The following SOX6 variants were observed in gnomAD, a reference collection of about 807,000 sequenced individuals.
The protein encoded by SOX6 is transcription factor SOX-6.
A neutral mutation model predicts 97.8 loss-of-function variants in SOX6; 11 were observed. The observed-to-expected ratio is 0.11, with a 90% confidence interval of 0.07 to 0.19. The LOEUF is 0.19. SOX6 is among the 10% of genes least tolerant of loss of function. SOX6 has a pLI of 1.00. For synonymous variants in SOX6, 360 were observed against 371.4 expected (o/e 0.97, Z 0.35); for missense variants, 810 against 1,039.5 (o/e 0.78, Z 3.04).
intron 3 of SOX6, among the ~76,000 whole-genome samples, chr11:16,692,540 T>C (rs1848023794): frequency 6.6e-6 from 1 of 152,174 alleles, no homozygotes; most frequent in Non-Finnish European, 1.5e-5. Flanking sequence ...CAAACTTACA[T>C]AAACACAAAA....
rs1330514309 is a variant in SOX6, at chr11:16,671,173, A to G, written n.429+43657T>C. On this transcript the variant is annotated intron_variant and non_coding_transcript_variant, in intron 3 of 5. Coordinates refer to the SOX6 transcript ENST00000524520. ...TACTCAATCTGCACTGCAGTTAAAG[A>G]AATAGCCACATGCAGAGATGAGGAA... 3.3e-5 allele frequency among the ~76,000 whole-genome samples: 5 copies of G among 152,374 alleles called. No homozygotes were observed. The East Asian group carries it at 7.7e-4, about 23-fold the overall frequency.
intron 9 of SOX6, among the ~76,000 whole-genome samples, chr11:16,058,899 C>G (rs1847880817): frequency 6.6e-6 from 1 of 152,058 alleles, no homozygotes; most frequent in African/African-American, 2.4e-5. Flanking sequence ...TACCAGGTTG[C>G]ATGACATTAG....
intron 2 of SOX6, among the ~76,000 whole-genome samples, chr11:16,338,210 C>CT (rs1349154614): frequency 6.6e-6 from 1 of 151,944 alleles, no homozygotes; most frequent in Non-Finnish European, 1.5e-5. Flanking sequence ...TTTTGCGACT[C>CT]TAAGTACAGA....
Position 16,213,361 on chromosome 11 carries a change from C to T in SOX6, c.535+21221G>A, listed in dbSNP as rs1317057341. The stretch of plus-strand genomic sequence containing the variant: ...TATTTTCCTTAGCATGTCTAAATCT[C>T]TCTGTCTGCCGCACCCTGTCTTTCC... On this transcript the variant is annotated intron_variant, in intron 4 of 15. Transcript: ENST00000683767. 2.0e-5 allele frequency among the ~76,000 whole-genome samples: 3 copies of T among 152,042 alleles called. No individual in the cohort carries two copies. In the East Asian group the frequency reaches 5.8e-4, roughly 29 times the overall value.
At chr11:16,512,479 T>C (rs1000371780) in intron 4 of SOX6, among the ~76,000 whole-genome samples, 7 of 152,224 alleles carry the variant, frequency 4.6e-5, no homozygotes, top group African/African-American at 1.7e-4. Context: ...CTGTTTGCAG[T>C]GTCTGAAAAG....
chr11:16,733,119 A>C (rs569748930), intron 2 of SOX6, among the ~76,000 whole-genome samples: 1 of 152,342 alleles, frequency 6.6e-6, no homozygotes, highest in Non-Finnish European at 1.5e-5. Flanking sequence ...ACGCTTTTAC[A>C]CTGTTGGTGA....
At chr11:16,260,438 A>G (rs1396610316) in intron 3 of SOX6, among the ~76,000 whole-genome samples, 1 of 152,192 alleles carries the variant, frequency 6.6e-6, no homozygotes, top group East Asian at 1.9e-4. Flanking sequence ...TAAAATGTTT[A>G]ACCTAGCTGG....
chr11:16,214,163 T>C (rs34321331), intron 4 of SOX6, among the ~76,000 whole-genome samples: 30,191 of 152,120 alleles, frequency 0.2, 3,508 homozygotes, highest in South Asian at 0.36. Context: ...TTGAATTGAT[T>C]AAGTAGCCAC....
intron 1 of SOX6, among the ~76,000 whole-genome samples, chr11:16,374,129 T>C (rs1857580974): frequency 6.6e-6 from 1 of 152,082 alleles, no homozygotes; most frequent in African/African-American, 2.4e-5. Flanking sequence ...CAAATCTTTC[T>C]TTCTCTGAAC....
At chr11:16,646,937 C>CTT (rs1399909091) in intron 3 of SOX6, among the ~76,000 whole-genome samples, 1 of 152,202 alleles carries the variant, frequency 6.6e-6, no homozygotes, top group African/African-American at 2.4e-5. Flanking sequence ...GTAGTTCTAC[C>CTT]TTTACTTCTT....
intron 4 of SOX6, among the ~76,000 whole-genome samples, chr11:16,225,470 T>A (rs1852657567): frequency 1.1e-5 from 1 of 93,346 alleles, no homozygotes; most frequent in Non-Finnish European, 2.2e-5. Flanking sequence ...TAACTATGAA[T>A]TGCTATTCAA....
chr11:16,173,579 GTT>G (rs562492298), intron 6 of SOX6, among the ~76,000 whole-genome samples: 2 of 131,248 alleles, frequency 1.5e-5, no homozygotes, highest in Admixed American at 7.7e-5. Context: ...TAGTTTTTTT[GTT>G]TTTTTTTTTT....
intron 6 of SOX6, among the ~76,000 whole-genome samples, chr11:16,146,873 G>A (rs1490508407): frequency 1.3e-5 from 2 of 152,132 alleles, no homozygotes; most frequent in African/African-American, 2.4e-5. Context: ...GAGAGGATGT[G>A]GAGAAATAGG....
intron 3 of SOX6, among the ~76,000 whole-genome samples, chr11:16,673,713 A>C (rs1590047271): frequency 6.6e-6 from 1 of 152,244 alleles, no homozygotes; most frequent in South Asian, 2.1e-4. Context: ...TCTAAAAAAA[A>C]CCAAAAGTAG....
At chr11:16,416,221 A>C (rs1383380824) in intron 1 of SOX6, among the ~76,000 whole-genome samples, 1 of 152,232 alleles carries the variant, frequency 6.6e-6, no homozygotes, top group Non-Finnish European at 1.5e-5. Flanking sequence ...AAGCATGTTC[A>C]GAAAAAGACT....
intron 6 of SOX6, among the ~76,000 whole-genome samples, chr11:16,113,652 C>G (rs1849280462): frequency 6.6e-6 from 1 of 152,118 alleles, no homozygotes; most frequent in Admixed American, 6.6e-5. Flanking sequence ...ATTTCATTTG[C>G]CTCCAGAAAT....
chr11:16,585,779 C>T (rs115050943), intron 4 of SOX6, among the ~76,000 whole-genome samples: 446 of 148,140 alleles, frequency 3.0e-3, no homozygotes, highest in African/African-American at 0.01. Context: ...ACCTTCCAGG[C>T]TCAAGCAGTC....
At chr11:16,463,820 T>C (rs1653412333) in intron 1 of SOX6, among the ~76,000 whole-genome samples, 2 of 152,224 alleles carry the variant, frequency 1.3e-5, no homozygotes, top group Non-Finnish European at 1.5e-5. Context: ...ACAACCTTCT[T>C]TCAGGCATAT....
intron 3 of SOX6, among the ~76,000 whole-genome samples, chr11:16,655,432 G>A (rs560127372): frequency 2.0e-5 from 3 of 152,294 alleles, no homozygotes; most frequent in Non-Finnish European, 4.4e-5. Context: ...GAGGAAACAC[G>A]AAAGGTGACA....
Sources: allele counts gnomAD v4.1 joint callset (sites outside exome capture counted in the v4.1 genomes callset), GRCh38; gene constraint gnomAD v4.1.1; transcripts MANE v1.5; gene names NCBI Gene and HGNC (gene_info 2026-07-23, HGNC 2026-07-21).